NCAPG2: variants seen among roughly 807,000 people sequenced by gnomAD.
NCAPG2 encodes the protein condensin-2 complex subunit G2.
In NCAPG2, 53 loss-of-function variants were observed where a neutral mutation model predicts 141.1. That is an observed-to-expected ratio of 0.38 (90% CI 0.30 to 0.47). NCAPG2 has a LOEUF of 0.47. Among genes scored for constraint, NCAPG2 ranks in the 20% least tolerant of loss-of-function variants. NCAPG2 has a pLI of 0.99. For synonymous variants in NCAPG2, 499 were observed against 490.7 expected, an observed-to-expected ratio of 1.02 and a Z score of -0.22; for missense variants, 1,087 against 1,389.0, an observed-to-expected ratio of 0.78 and a Z score of 3.46.
chr7:158,635,673 A>T (rs1830137061), intron 27 of NCAPG2, among the ~76,000 whole-genome samples: 1 of 152,194 alleles, frequency 6.6e-6, no homozygotes, highest in African/African-American at 2.4e-5. Context: ...GCTATATCGG[A>T]TGAGGCAATT....
chr7:158,634,245 CT>C (rs1302234887), intron 27 of NCAPG2, among the ~76,000 whole-genome samples: 6 of 152,118 alleles, frequency 3.9e-5, no homozygotes, highest in African/African-American at 9.7e-5. Context: ...TACCCACATC[CT>C]CCTGTATGCT....
At chr7:158,653,536 CCA>C (rs1254422698) in intron 22 of NCAPG2, among the ~76,000 whole-genome samples, 3 of 152,056 alleles carry the variant, frequency 2.0e-5, no homozygotes, top group Non-Finnish European at 4.4e-5. Flanking sequence ...TATCCTGGCT[CCA>C]GTGTTCTCCT....
chr7:158,656,129 G>C, intron 19 of NCAPG2, 131 bp downstream of exon 19: 2 of 1,200,874 alleles, frequency 1.7e-6, no homozygotes, highest in Non-Finnish European at 2.3e-6. Context: ...ACTGAATGAG[G>C]TGACATGATC....
chr7:158,693,881 A>G (rs1835278273), intron 2 of NCAPG2, among the ~76,000 whole-genome samples: 1 of 152,146 alleles, frequency 6.6e-6, no homozygotes, highest in Non-Finnish European at 1.5e-5. Flanking sequence ...TCATTCCTCA[A>G]TATCATTCTC....
chr7:158,648,665 C>T (rs1831227706), intron 24 of NCAPG2, among the ~76,000 whole-genome samples: 2 of 53,470 alleles, frequency 3.7e-5, no homozygotes, highest in Non-Finnish European at 7.7e-5. Flanking sequence ...ACCACAACCA[C>T]GCCAAATGGA....
chr7:158,698,242 A>G (rs2129469565), intron 2 of NCAPG2, among the ~76,000 whole-genome samples: 1 of 152,358 alleles, frequency 6.6e-6, no homozygotes, highest in East Asian at 1.9e-4. Flanking sequence ...AGGTTAATTT[A>G]TTATTGAAGA....
At chr7:158,657,836 T>TGCA (rs1832116592) in intron 17 of NCAPG2, among the ~76,000 whole-genome samples, 1 of 152,102 alleles carries the variant, frequency 6.6e-6, no homozygotes, top group Non-Finnish European at 1.5e-5. Flanking sequence ...TGGGATCCTG[T>TGCA]TGATCTGTGA....
chr7:158,680,673 G>A, intron 10 of NCAPG2, 48 bp downstream of exon 10: 1 of 1,235,542 alleles, frequency 8.1e-7, no homozygotes, highest in Non-Finnish European at 1.1e-6. Context: ...AAATTCAAAA[G>A]CACAAGTAGT....
chr7:158,655,470 A>G lies in NCAPG2; in HGVS notation c.2389-15T>C. 1 of 1,605,228 alleles carries G rather than the reference A, an allele frequency of 6.2e-7. No individual in the cohort carries two copies. Among genetic ancestry groups the G allele is most frequent in the East Asian group, 2.2e-5 (1 of 44,828 alleles). ...TCCAGATCTGCCTGTAATAGAAAAA[A>G]CCCAAGGGCCACATGCTGACTGACA... On this transcript the variant is annotated splice_polypyrimidine_tract_variant and intron_variant, in intron 19 of 27. Coordinates refer to ENST00000356309, the MANE Select transcript of NCAPG2 (RefSeq NM_017760.7).
At chr7:158,649,097 G>A (rs539677055) in intron 24 of NCAPG2, among the ~76,000 whole-genome samples, 10 of 152,314 alleles carry the variant, frequency 6.6e-5, no homozygotes, top group African/African-American at 2.2e-4. Context: ...AGCTGGTTTG[G>A]CTGTAAAAAT....
rs1830002634 is a variant in NCAPG2, at chr7:158,633,334, C to T, written c.3381-1617G>A. 1.3e-5 allele frequency among the ~76,000 whole-genome samples: 2 copies of T among 152,234 alleles called. No homozygotes were observed. The highest frequency in any genetic ancestry group is 4.1e-4 in the South Asian group (2 of 4,836). On this transcript the variant is annotated intron_variant, in intron 27 of 27. Coordinates refer to ENST00000356309, the MANE Select transcript of NCAPG2 (RefSeq NM_017760.7). The surrounding 1 kb of genome is among the most constrained non-coding windows in gnomAD (Gnocchi z 4.1). ...CCATCTCTGTAGTGTGTCTGTGACA[C>T]TTGAGCTCTAGACTGTCCTTTCGGG... is the stretch of plus-strand genomic sequence containing the variant.
chr7:158,697,595 C>A (rs1835533665), intron 2 of NCAPG2, among the ~76,000 whole-genome samples: 1 of 142,996 alleles, frequency 7.0e-6, no homozygotes. Context: ...AGCAAGGCTC[C>A]AACTGAAAAG....
chr7:158,672,185 A>C (rs1248671965), intron 12 of NCAPG2, among the ~76,000 whole-genome samples: 1 of 151,564 alleles, frequency 6.6e-6, no homozygotes, highest in Non-Finnish European at 1.5e-5. Context: ...AAACTCCAGC[A>C]CTGCTTAAGC....
intron 5 of NCAPG2, 69 bp from the exon 6 acceptor site, chr7:158,690,022 A>G (rs1835023363): frequency 8.4e-7 from 1 of 1,196,868 alleles, no homozygotes; most frequent in Non-Finnish European, 1.1e-6. Context: ...AATCAAGTAT[A>G]TTTTATATCA....
chr7:158,652,268 C>T (rs1239047650), intron 23 of NCAPG2, 25 bp downstream of exon 23: 2 of 1,604,662 alleles, frequency 1.2e-6, no homozygotes, highest in Admixed American at 1.8e-5. Context: ...ATCTAGCGAA[C>T]CCCGTCCTGG....
chr7:158,670,231 T>G (rs926097154), intron 13 of NCAPG2, among the ~76,000 whole-genome samples: 1 of 152,144 alleles, frequency 6.6e-6, no homozygotes, highest in Admixed American at 6.5e-5. Context: ...AGATCAAAAC[T>G]CAAAACACAC....
In NCAPG2 at chr7:158,648,556, C is replaced by T. The variant is rs1039841651; in HGVS notation, c.3076-1993G>A. On this transcript the variant is annotated intron_variant, in intron 24 of 27. Transcript: ENST00000356309. ...ATGGACGACAACCACGGCAAATGGA[C>T]GACAACCACGCCAAATGGACGACAA... is the stretch of plus-strand genomic sequence containing the variant. Among the ~76,000 whole-genome samples, 10 of 136,860 alleles carry T rather than the reference C, an allele frequency of 7.3e-5. 1 individual carries two copies. Among genetic ancestry groups the T allele is most frequent in the East Asian group, 4.3e-4 (2 of 4,656 alleles). The allele number at this position is 136,860 out of a possible 152,430, so 89.8% of individuals were successfully genotyped here.
In NCAPG2 at chr7:158,671,600, T is replaced by C. The variant is rs777910047; in HGVS notation, c.1393A>G (p.Arg465Gly). Residue 465 changes from arginine (R) to glycine (G), a missense_variant, in exon 13 of 28, where the codon AGA becomes GGA. Transcript: ENST00000356309. ...TCCGAATTGTCGTGGAGACTGTATC[T>C]GAGAGCTGGAAGGAGCTGCTCTAAC... is the stretch of plus-strand genomic sequence containing the variant. Reference protein sequence around the residue: ...PLLEQLLPALRYSLHDNSEKV... With the variant: ...PLLEQLLPALGYSLHDNSEKV... 4 of 1,614,216 alleles carry C rather than the reference T, an allele frequency of 2.5e-6. No individual in the cohort carries two copies. The highest frequency in any genetic ancestry group is 3.4e-6 in the Non-Finnish European group (4 of 1,180,020).
Position 158,655,109 on chromosome 7 carries a change from A to G in NCAPG2, c.2646+9T>C. On this transcript the variant is annotated intron_variant, in intron 21 of 27. Transcript: ENST00000356309. Reference sequence around the variant, plus strand: ...AAGAGAAAGTTTTCTGTGTCTTAAGACTTCTAACCTGGATAATTTGCTGAT... The same window carrying G: ...AAGAGAAAGTTTTCTGTGTCTTAAGGCTTCTAACCTGGATAATTTGCTGAT... 1 of 1,593,756 alleles carries G rather than the reference A, an allele frequency of 6.3e-7. No individual in the cohort carries two copies. Among genetic ancestry groups the G allele is most frequent in the Non-Finnish European group, 8.5e-7 (1 of 1,174,128 alleles).
Sources: gnomAD v4.1 joint callset for allele counts (sites outside exome capture counted in the v4.1 genomes callset) on GRCh38, gnomAD v4.1.1 for gene constraint, Gnocchi (gnomAD v3.1) non-coding constraint, MANE v1.5 for transcripts, NCBI Gene and HGNC (gene_info 2026-07-23, HGNC 2026-07-21) for gene names.